The following GLS variants were observed in gnomAD, a reference collection of about 807,000 sequenced individuals.
GLS encodes glutaminase, also known as glutaminase kidney isoform, mitochondrial.
GLS carries 36 observed loss-of-function variants against 86.7 expected under a neutral mutation model. That is an observed-to-expected ratio of 0.42 (90% confidence interval 0.32 to 0.55). The LOEUF (loss-of-function observed/expected upper bound fraction) is 0.55, where lower values mean the gene tolerates loss of function less well. Among genes scored for constraint, GLS ranks in the 20% least tolerant of loss-of-function variants. GLS has a pLI of 0.17. For missense variants in GLS, 528 were observed against 833.4 expected, an observed-to-expected ratio of 0.63 and a Z score of 4.51; for synonymous variants, 317 against 305.9, an observed-to-expected ratio of 1.04 and a Z score of -0.38.
At chr2:190,910,424 T>G in intron 7 of GLS, 103 bp downstream of exon 7, 1 of 611,158 alleles carries the variant, frequency 1.6e-6, no homozygotes, top group South Asian at 2.3e-5. Flanking sequence ...TATGAAAAAT[T>G]TTCTCTTGGT....
At position 190,887,379 on chromosome 2, in the gene GLS, T is replaced by C. The variant is rs114960173; in HGVS notation, c.386+5909T>C. ...AAATGTTAATGTACCTTGACTTCCA[T>C]TTGGGAGTGTCCTCTGCTTGATATG... is the stretch of plus-strand genomic sequence containing the variant. On this transcript the variant is annotated intron_variant, in intron 1 of 17. Transcript: ENST00000320717. Among the ~76,000 whole-genome samples the C allele has an allele frequency of 3.7e-3, 569 of 152,142 alleles. 1 individual carries two copies. The highest frequency in any genetic ancestry group is 6.2e-3 in the Non-Finnish European group (420 of 67,984).
chr2:190,908,117 C>T (rs542601244), intron 6 of GLS, among the ~76,000 whole-genome samples: 8 of 152,190 alleles, frequency 5.3e-5, no homozygotes, highest in Middle Eastern at 3.4e-3. Context: ...TATATCCCAA[C>T]CAGATGGAGA....
At chr2:190,899,278 G>C (rs1297108573) in intron 3 of GLS, among the ~76,000 whole-genome samples, 4 of 152,004 alleles carry the variant, frequency 2.6e-5, no homozygotes, top group African/African-American at 9.7e-5. Flanking sequence ...TCTTAGCTCT[G>C]GGGTGTCAAT....
chr2:190,920,617 T>G lies in GLS; in HGVS notation c.1039-407T>G, dbSNP rs563100266. ...AAAATATAAGTAGATTGTTCTTAAT[T>G]GAAATATTTTATATATACTTAATTC... On this transcript the variant is annotated intron_variant, in intron 7 of 17. Transcript: ENST00000320717. The surrounding 1 kb of genome is among the most constrained non-coding windows in gnomAD (Gnocchi z 4.2). Among the ~76,000 whole-genome samples the G allele has an allele frequency of 6.6e-6, 1 of 151,930 alleles. No homozygotes were observed. Among genetic ancestry groups the G allele is most frequent in the African/African-American group, 2.4e-5 (1 of 41,562 alleles).
At position 190,954,267 on chromosome 2, in the gene GLS, C is replaced by T. The variant is rs1168839497; in HGVS notation, c.1713-317C>T. ...TTTACTATAGGGATTAGTTTCTTGC[C>T]CTTATGAGACATAAACCTTGGTACA... On this transcript the variant is annotated intron_variant, in intron 15 of 17. Transcript: ENST00000320717. This position sits in a 1 kb window ranked among gnomAD's most constrained non-coding sequence, Gnocchi z 4.0. Among the ~76,000 whole-genome samples, 1 of 151,930 alleles carries T rather than the reference C, an allele frequency of 6.6e-6. No individual in the cohort carries two copies. The highest frequency in any genetic ancestry group is 6.6e-5 in the Admixed American group (1 of 15,236).
At chr2:190,886,272 A>G (rs1388785711) in intron 1 of GLS, among the ~76,000 whole-genome samples, 1 of 152,232 alleles carries the variant, frequency 6.6e-6, no homozygotes, top group Non-Finnish European at 1.5e-5. Context: ...TCAGTCATTG[A>G]TAACTTTGTC....
chr2:190,883,946 C>G (rs1688291802), intron 1 of GLS, among the ~76,000 whole-genome samples: 1 of 152,186 alleles, frequency 6.6e-6, no homozygotes, highest in South Asian at 2.1e-4. Context: ...ACTAATGTCA[C>G]TTTAGACTAT....
At chr2:190,934,180 G>C (rs575825451) in intron 14 of GLS, 96 of 981,540 alleles carry the variant, frequency 9.8e-5, no homozygotes, top group Admixed American at 1.2e-4. Context: ...TGGTTTCTTA[G>C]CATGATGGTG....
chr2:190,963,105 AC>A lies in GLS; in HGVS notation c.*120del, dbSNP rs1218967437. ...ATTTTACATTTGTCATTTCAGTGTT[AC>A]TGGAGTTTTCTTCATTGTGCACACA... On this transcript the variant is annotated 3_prime_UTR_variant, in exon 18 of 18. Coordinates refer to ENST00000320717, the MANE Select transcript of GLS (RefSeq NM_014905.5). 1 of 733,168 alleles carries A rather than the reference AC, an allele frequency of 1.4e-6. No individual in the cohort carries two copies. Among genetic ancestry groups the A allele is most frequent in the Non-Finnish European group, 2.2e-6 (1 of 464,578 alleles). The allele number at this position is 733,168 out of a possible 1,614,324, so 45.4% of individuals were successfully genotyped here.
At position 190,880,928 on chromosome 2, in the gene GLS, C is replaced by T; in HGVS notation, c.-157C>T. 2.0e-6 allele frequency: 2 copies of T among 989,598 alleles called. No homozygotes were observed. Among genetic ancestry groups the T allele is most frequent in the East Asian group, 2.8e-5 (1 of 35,208 alleles). 61.3% of individuals were successfully genotyped at this position (989,598 alleles called of 1,614,324 possible). ...GCAGCAGCAGCAGCAGCACCCGCAT[C>T]CGCTGCGGGAGTCCGAGCCGGAACC... On this transcript the variant is annotated 5_prime_UTR_variant, in exon 1 of 18. Coordinates refer to ENST00000320717, the MANE Select transcript of GLS (RefSeq NM_014905.5).
intron 5 of GLS, among the ~76,000 whole-genome samples, chr2:190,904,199 C>T (rs1386952677): frequency 6.6e-6 from 1 of 151,474 alleles, no homozygotes; most frequent in Non-Finnish European, 1.5e-5. Flanking sequence ...CAATATGAGG[C>T]ATTTGTAGAC....
intron 11 of GLS, among the ~76,000 whole-genome samples, chr2:190,926,073 A>G (rs1464243841): frequency 1.3e-5 from 2 of 152,224 alleles, no homozygotes; most frequent in East Asian, 1.9e-4. Flanking sequence ...AGAAACAGCC[A>G]TAGAAGTGGT....
chr2:190,941,558 G>A (rs1690431800), intron 14 of GLS, among the ~76,000 whole-genome samples: 1 of 22,234 alleles, frequency 4.5e-5, no homozygotes, highest in Non-Finnish European at 1.3e-4. Flanking sequence ...CTAGGAGAGG[G>A]TACAATAAGA....
rs1688117154 is a variant in GLS, at chr2:190,880,894, GCAGCAGC to G, written c.-190_-184del. ...GCGCGCAGCAGCAGCAGCAGCAGCAGCAGCAGCAGCAGCAGCAGCAGCAGCACCCGCA... is the reference window on the plus strand; with the variant it reads ...GCGCGCAGCAGCAGCAGCAGCAGCAGAGCAGCAGCAGCAGCAGCACCCGCA... On this transcript the variant is annotated 5_prime_UTR_variant, in exon 1 of 18. Transcript: ENST00000320717. The G allele has an allele frequency of 1.9e-6, 1 of 526,652 alleles. No homozygotes were observed. Among genetic ancestry groups the G allele is most frequent in the African/African-American group, 2.6e-5 (1 of 38,286 alleles). The allele number at this position is 526,652 out of a possible 1,614,324, so 32.6% of individuals were successfully genotyped here.
At chr2:190,887,164 A>G (rs533109863) in intron 1 of GLS, among the ~76,000 whole-genome samples, 1 of 152,302 alleles carries the variant, frequency 6.6e-6, no homozygotes, top group African/African-American at 2.4e-5. Flanking sequence ...AAACAGATGT[A>G]TTTATAAAAA....
chr2:190,948,721 A>G (rs1243557505), intron 14 of GLS, among the ~76,000 whole-genome samples: 1 of 152,214 alleles, frequency 6.6e-6, no homozygotes, highest in Non-Finnish European at 1.5e-5. Flanking sequence ...GTCATGTGTT[A>G]TAGTGCCATA....
At chr2:190,939,217 G>GTTGTCT (rs1398241335) in intron 14 of GLS, among the ~76,000 whole-genome samples, 1 of 151,600 alleles carries the variant, frequency 6.6e-6, no homozygotes, top group African/African-American at 2.4e-5. Flanking sequence ...TATAGTACAT[G>GTTGTCT]TTGTCTTCAG....
In GLS at chr2:190,953,205, GCATA is replaced by G. The variant is rs1690764173; in HGVS notation, c.1651-357_1651-354del. The stretch of plus-strand genomic sequence containing the variant: ...ATTTTTAATAATGTGAATTTTATCA[GCATA>G]CAGACTTCCTCACAATATTGAGACA... On this transcript the variant is annotated intron_variant, in intron 14 of 17. Coordinates refer to ENST00000320717, the MANE Select transcript of GLS (RefSeq NM_014905.5). This position sits in a 1 kb window ranked among gnomAD's most constrained non-coding sequence, Gnocchi z 4.0. Among the ~76,000 whole-genome samples the G allele has an allele frequency of 6.6e-6, 1 of 152,200 alleles. No individual in the cohort carries two copies. Among genetic ancestry groups the G allele is most frequent in the African/African-American group, 2.4e-5 (1 of 41,446 alleles).
At chr2:190,892,396 C>T (rs1437269180) in intron 1 of GLS, among the ~76,000 whole-genome samples, 1 of 152,036 alleles carries the variant, frequency 6.6e-6, no homozygotes, top group African/African-American at 2.4e-5. Flanking sequence ...TTTTTCTCTT[C>T]AGGGGAATCT....
Sources: allele counts gnomAD v4.1 joint callset (sites outside exome capture counted in the v4.1 genomes callset), GRCh38; gene constraint gnomAD v4.1.1; non-coding constraint Gnocchi (gnomAD v3.1); transcripts MANE v1.5; gene names NCBI Gene and HGNC (gene_info 2026-07-23, HGNC 2026-07-21).